Variants in TRPC1 observed in about 807,000 individuals in gnomAD.
The protein encoded by TRPC1 is transient receptor potential cation channel subfamily C member 1.
In TRPC1, 42 loss-of-function variants were observed where a neutral mutation model predicts 88.2. That is an observed-to-expected ratio of 0.48 (90% CI 0.37 to 0.62). The LOEUF is 0.62. Ranked by LOEUF, TRPC1 falls within the 20% of genes least tolerant of loss-of-function variation. The pLI is 0.00. For missense variants in TRPC1, 699 were observed against 957.3 expected (o/e 0.73, Z 3.56); for synonymous variants, 288 against 331.8 (o/e 0.87, Z 1.43).
chr3:142,732,646 G>A (rs112218559), intron 1 of TRPC1, among the ~76,000 whole-genome samples: 25 of 152,168 alleles, frequency 1.6e-4, no homozygotes, highest in Non-Finnish European at 2.2e-4. Context: ...CTAAGAAGAC[G>A]TGCTGTTGAA....
chr3:142,763,981 T>TATAC (rs1271775253), intron 4 of TRPC1, among the ~76,000 whole-genome samples: 36 of 62,560 alleles, frequency 5.8e-4, no homozygotes, highest in South Asian at 6.9e-4. Flanking sequence ...TATATATATA[T>TATAC]ATACACATAC....
In TRPC1 at chr3:142,781,029, G is replaced by A; in HGVS notation, c.960G>A (p.Glu320=). Residue 320 remains glutamate, a splice_region_variant and synonymous_variant, in exon 6 of 13, where the codon GAG becomes GAA. Transcript: ENST00000476941. ...TTGCTATCAAATATAACCAGAAAGA[G>A]GTATGAGGCTTTCTGTAATATATTT... ...LKLAIKYNQK[E]FVSQSNCQQF... 1.2e-6 allele frequency: 2 copies of A among 1,603,802 alleles called. No individual in the cohort carries two copies. The highest frequency in any genetic ancestry group is 1.7e-6 in the Non-Finnish European group (2 of 1,176,334).
At chr3:142,762,499 G>A (rs949515688) in intron 4 of TRPC1, among the ~76,000 whole-genome samples, 1 of 140,622 alleles carries the variant, frequency 7.1e-6, no homozygotes, top group Non-Finnish European at 1.5e-5. Flanking sequence ...GCGTGATCTC[G>A]GCCACTGCAA....
intron 4 of TRPC1, among the ~76,000 whole-genome samples, chr3:142,753,764 G>T (rs1413733129): frequency 6.6e-6 from 1 of 151,040 alleles, no homozygotes; most frequent in Non-Finnish European, 1.5e-5. Flanking sequence ...AAATAGCAAG[G>T]TTTCTCAGAA....
intron 4 of TRPC1, among the ~76,000 whole-genome samples, chr3:142,752,315 A>C (rs1934794585): frequency 6.6e-6 from 1 of 152,294 alleles, no homozygotes; most frequent in Non-Finnish European, 1.5e-5. Context: ...ACATGTGAGC[A>C]AAAGAATCTA....
At chr3:142,786,853 G>A (rs1936149501) in intron 7 of TRPC1, among the ~76,000 whole-genome samples, 1 of 152,198 alleles carries the variant, frequency 6.6e-6, no homozygotes, top group Admixed American at 6.5e-5. Flanking sequence ...AATATTTTCT[G>A]TGTTTTGTTA....
At chr3:142,786,355 T>G (rs893707749) in intron 7 of TRPC1, among the ~76,000 whole-genome samples, 9 of 152,176 alleles carry the variant, frequency 5.9e-5, no homozygotes, top group African/African-American at 2.2e-4. Flanking sequence ...ATACAAATAC[T>G]TTTTATATTT....
chr3:142,794,649 A>T (rs1936399023), intron 9 of TRPC1, among the ~76,000 whole-genome samples: 1 of 152,094 alleles, frequency 6.6e-6, no homozygotes, highest in Non-Finnish European at 1.5e-5. Context: ...CAGAAAGAAA[A>T]TTCTGGAGAT....
chr3:142,780,724 T>C, intron 5 of TRPC1, 110 bp from the exon 6 acceptor site: 4 of 1,125,808 alleles, frequency 3.6e-6, no homozygotes, highest in Non-Finnish European at 4.9e-6. Context: ...TCAGATTTTG[T>C]GTAACACTGT....
intron 4 of TRPC1, among the ~76,000 whole-genome samples, chr3:142,770,093 C>CTTTTTTT (rs779905124): frequency 1.0e-5 from 1 of 95,240 alleles, no homozygotes; most frequent in Non-Finnish European, 2.0e-5. Flanking sequence ...TTGTATGTTC[C>CTTTTTTT]TTTTTTTTTT....
chr3:142,797,796 G>T (rs1476945106), intron 9 of TRPC1, among the ~76,000 whole-genome samples: 1 of 152,010 alleles, frequency 6.6e-6, no homozygotes, highest in Non-Finnish European at 1.5e-5. Flanking sequence ...TTTATAGTTA[G>T]TTAACTATGG....
At chr3:142,800,769 T>A (rs1419493542) in intron 9 of TRPC1, among the ~76,000 whole-genome samples, 1 of 151,814 alleles carries the variant, frequency 6.6e-6, no homozygotes, top group Non-Finnish European at 1.5e-5. Flanking sequence ...ATACAAAAAA[T>A]TAGCTGGGCA....
intron 5 of TRPC1, among the ~76,000 whole-genome samples, chr3:142,778,163 T>C (rs1214987322): frequency 6.6e-6 from 1 of 152,220 alleles, no homozygotes; most frequent in South Asian, 2.1e-4. Flanking sequence ...TTCAGATCTT[T>C]CAAAAGCATA....
intron 4 of TRPC1, among the ~76,000 whole-genome samples, chr3:142,750,590 A>AT (rs1482648815): frequency 4.6e-5 from 7 of 152,238 alleles, no homozygotes; most frequent in Admixed American, 4.6e-4. Flanking sequence ...ATTATAAATC[A>AT]TTTTACTATA....
intron 7 of TRPC1, among the ~76,000 whole-genome samples, chr3:142,785,812 C>G (rs1936117228): frequency 6.6e-6 from 1 of 152,092 alleles, no homozygotes; most frequent in African/African-American, 2.4e-5. Flanking sequence ...AACCTATGAA[C>G]TTTTGCAGAT....
intron 9 of TRPC1, chr3:142,793,703 A>G (rs1184306838): frequency 2.6e-6 from 1 of 385,662 alleles, no homozygotes; most frequent in African/African-American, 2.2e-5. Flanking sequence ...GCTCTATGTA[A>G]TACTATAGCT....
intron 5 of TRPC1, among the ~76,000 whole-genome samples, chr3:142,778,110 C>G (rs1935845686): frequency 6.6e-6 from 1 of 152,184 alleles, no homozygotes; most frequent in Non-Finnish European, 1.5e-5. Context: ...TCACACATAT[C>G]TCCTCATTCT....
chr3:142,772,015 T>C (rs1935594239), intron 4 of TRPC1, among the ~76,000 whole-genome samples: 1 of 152,222 alleles, frequency 6.6e-6, no homozygotes, highest in Non-Finnish European at 1.5e-5. Context: ...GGCATCTGTT[T>C]CTACTGAGAA....
At chr3:142,754,031 G>A (rs1934870882) in intron 4 of TRPC1, among the ~76,000 whole-genome samples, 1 of 142,434 alleles carries the variant, frequency 7.0e-6, no homozygotes. Flanking sequence ...GCTACAGTAA[G>A]CTGTGATTGC....
Sources: allele counts gnomAD v4.1 joint callset (sites outside exome capture counted in the v4.1 genomes callset), GRCh38; gene constraint gnomAD v4.1.1; transcripts MANE v1.5; gene names NCBI Gene and HGNC (gene_info 2026-07-23, HGNC 2026-07-21).